The following TGS1 variants were observed in gnomAD, a reference collection of about 807,000 sequenced individuals.
TGS1 encodes the protein trimethylguanosine synthase 1.
TGS1 carries 69 observed loss-of-function variants against 92.2 expected under a neutral mutation model. The observed-to-expected ratio is 0.75, with a 90% confidence interval of 0.62 to 0.91. The LOEUF (loss-of-function observed/expected upper bound fraction) is 0.91. Ranked by LOEUF, TGS1 falls within the 40% of genes least tolerant of loss-of-function variation. The pLI is 0.00. For synonymous variants in TGS1, 345 were observed against 338.1 expected, an observed-to-expected ratio of 1.02 and a Z score of -0.22; for missense variants, 1,062 against 1,001.2, an observed-to-expected ratio of 1.06 and a Z score of -0.82.
chr8:55,812,495 C>A (rs1218179620), intron 11 of TGS1, among the ~76,000 whole-genome samples: 927 of 97,594 alleles, frequency 9.5e-3, no homozygotes, highest in Middle Eastern at 0.011. Context: ...GACTCTGTCT[C>A]AAAAAAAAAA....
At chr8:55,785,213 G>A (rs940528450) in intron 2 of TGS1, among the ~76,000 whole-genome samples, 7 of 151,342 alleles carry the variant, frequency 4.6e-5, no homozygotes, top group Non-Finnish European at 8.8e-5. Context: ...TACAGCCTGG[G>A]CCCAGCTAAT....
chr8:55,789,714 T>C (rs762187907), intron 4 of TGS1, among the ~76,000 whole-genome samples: 1 of 152,112 alleles, frequency 6.6e-6, no homozygotes, highest in Non-Finnish European at 1.5e-5. Flanking sequence ...GGGATAACAT[T>C]TATGGACAGA....
intron 1 of TGS1, among the ~76,000 whole-genome samples, chr8:55,774,341 CT>C (rs1811316782): frequency 6.6e-6 from 1 of 152,076 alleles, no homozygotes; most frequent in Non-Finnish European, 1.5e-5. Flanking sequence ...CCACTTGAAC[CT>C]TTTTTTCATC....
At chr8:55,801,917 A>G (rs1016023584) in intron 8 of TGS1, among the ~76,000 whole-genome samples, 1 of 152,052 alleles carries the variant, frequency 6.6e-6, no homozygotes, top group Non-Finnish European at 1.5e-5. Context: ...AGTTTAGGCC[A>G]GGCACAGTGG....
At chr8:55,783,613 G>A (rs1321587006) in intron 2 of TGS1, among the ~76,000 whole-genome samples, 2 of 152,120 alleles carry the variant, frequency 1.3e-5, no homozygotes, top group Admixed American at 6.5e-5. Flanking sequence ...TGTACATTGA[G>A]CCTCACTTTG....
chr8:55,790,432 A>G (rs1811847805), intron 5 of TGS1, 133 bp downstream of exon 5: 3 of 657,520 alleles, frequency 4.6e-6, no homozygotes, highest in African/African-American at 1.8e-5. Flanking sequence ...TCTACTGGTA[A>G]GATTCTGAGC....
At chr8:55,780,159 GCTTTTTTTTTTTTTTT>G (rs1207334364) in intron 1 of TGS1, among the ~76,000 whole-genome samples, 119 of 118,842 alleles carry the variant, frequency 1.0e-3, no homozygotes, top group Non-Finnish European at 1.7e-3. Context: ...GTCTGGCATG[GCTTTTTTTTTTTTTTT>G]CTTTTTTTTT....
chr8:55,808,613 AT>A (rs1803251246), intron 10 of TGS1, among the ~76,000 whole-genome samples: 1 of 149,492 alleles, frequency 6.7e-6, no homozygotes, highest in Non-Finnish European at 1.5e-5. Context: ...GGTTCAAGTG[AT>A]TCTTCTGCCT....
rs534217382 is a variant in TGS1, at chr8:55,807,508, T to TG, written c.2143+2472_2143+2473insG. Among the ~76,000 whole-genome samples the TG allele has an allele frequency of 3.1e-3, 463 of 148,466 alleles. 5 individuals carry two copies. The highest frequency in any genetic ancestry group is 0.01 in the African/African-American group (410 of 40,778). On this transcript the variant is annotated intron_variant, in intron 10 of 12. Coordinates refer to ENST00000260129, the MANE Select transcript of TGS1 (RefSeq NM_024831.8). ...TATAGCTGGGTCATAAAGCAGGGGT[T>TG]TTTTTTTTTTTGCTTTTTTCTTGTT...
intron 12 of TGS1, among the ~76,000 whole-genome samples, chr8:55,816,356 C>T (rs1803477400): frequency 6.6e-6 from 1 of 152,174 alleles, no homozygotes; most frequent in Non-Finnish European, 1.5e-5. Flanking sequence ...TCAAACACCA[C>T]CTTTGTGTGA....
chr8:55,797,440 A>G lies in TGS1; in HGVS notation c.1542+1288A>G, dbSNP rs535364339. ...TTGGGTGGGGACACAGCCAAACCAT[A>G]CCAGTAGGATCCTAATAGTCCAAAT... On this transcript the variant is annotated intron_variant, in intron 7 of 12. Transcript: ENST00000260129. 3.3e-5 allele frequency among the ~76,000 whole-genome samples: 5 copies of G among 152,306 alleles called. No individual in the cohort carries two copies. The South Asian group carries it at 1.0e-3, about 32-fold the overall frequency.
intron 1 of TGS1, among the ~76,000 whole-genome samples, chr8:55,778,015 T>G (rs963288513): frequency 5.3e-5 from 8 of 152,138 alleles, no homozygotes; most frequent in African/African-American, 1.9e-4. Context: ...TTGACATCAG[T>G]AATCCAAGTA....
At chr8:55,815,988 C>T (rs564762582) in intron 12 of TGS1, among the ~76,000 whole-genome samples, 2 of 151,652 alleles carry the variant, frequency 1.3e-5, no homozygotes, top group African/African-American at 2.4e-5. Context: ...CTCTCTGTCA[C>T]GCAGACTGGA....
At chr8:55,778,528 C>G (rs1055998446) in intron 1 of TGS1, among the ~76,000 whole-genome samples, 9 of 152,190 alleles carry the variant, frequency 5.9e-5, no homozygotes, top group Non-Finnish European at 1.2e-4. Flanking sequence ...TCTGATCATA[C>G]TCATGTGACA....
chr8:55,808,761 C>T (rs149048698), intron 10 of TGS1, among the ~76,000 whole-genome samples: 6 of 152,192 alleles, frequency 3.9e-5, no homozygotes, highest in Admixed American at 2.0e-4. Flanking sequence ...CACCCAACCT[C>T]GGCCTCCCAA....
intron 1 of TGS1, among the ~76,000 whole-genome samples, chr8:55,774,579 G>A (rs538093056): frequency 7.9e-5 from 12 of 152,202 alleles, no homozygotes; most frequent in African/African-American, 2.6e-4. Context: ...AGTCAGGCAT[G>A]CATGTAGTCA....
intron 9 of TGS1, among the ~76,000 whole-genome samples, chr8:55,803,992 C>T (rs1812292291): frequency 6.6e-6 from 1 of 152,122 alleles, no homozygotes; most frequent in Non-Finnish European, 1.5e-5. Context: ...TAAATTTTTT[C>T]TACTAGGAAA....
intron 1 of TGS1, among the ~76,000 whole-genome samples, chr8:55,775,590 A>T (rs1222262363): frequency 6.6e-6 from 1 of 152,220 alleles, no homozygotes; most frequent in Admixed American, 6.5e-5. Flanking sequence ...GGTAGGGATC[A>T]CTGGAGAATC....
intron 2 of TGS1, among the ~76,000 whole-genome samples, chr8:55,783,256 T>G (rs1238637301): frequency 6.6e-6 from 1 of 152,034 alleles, no homozygotes; most frequent in Non-Finnish European, 1.5e-5. Context: ...CCATCTCTAA[T>G]AAAAATACAA....
Sources: allele counts gnomAD v4.1 joint callset (sites outside exome capture counted in the v4.1 genomes callset), GRCh38; gene constraint gnomAD v4.1.1; transcripts MANE v1.5; gene names NCBI Gene and HGNC (gene_info 2026-07-23, HGNC 2026-07-21).